OSBPL1A: variants seen among roughly 807,000 people sequenced by gnomAD.
OSBPL1A encodes oxysterol binding protein like 1A.
Under a neutral mutation model 137.1 loss-of-function variants are expected in OSBPL1A, and 80 were observed. The observed-to-expected ratio is 0.58, with a 90% CI of 0.49 to 0.70. The LOEUF is 0.70. Ranked by LOEUF, OSBPL1A falls within the 30% of genes least tolerant of loss-of-function variation. The probability of loss-of-function intolerance (pLI) is 0.00; values close to 1 mark genes in which losing one functional copy is unlikely to be tolerated. For synonymous variants in OSBPL1A, 365 were observed against 389.7 expected (o/e 0.94, Z 0.75); for missense variants, 970 against 1,129.4 (o/e 0.86, Z 2.02).
intron 4 of OSBPL1A, among the ~76,000 whole-genome samples, chr18:24,356,628 TA>T (rs1425614241): frequency 6.6e-6 from 1 of 152,276 alleles, no homozygotes; most frequent in East Asian, 1.9e-4. Context: ...TAGTTGTTGG[TA>T]CAACCCTCAC....
intron 17 of OSBPL1A, among the ~76,000 whole-genome samples, chr18:24,201,543 A>G (rs28615620): frequency 0.038 from 5,842 of 152,256 alleles, 532 homozygotes; most frequent in Admixed American, 0.2. Flanking sequence ...CAGACAGATC[A>G]CTTGAGGTCA....
At chr18:24,338,297 G>A (rs1599685235) in intron 5 of OSBPL1A, among the ~76,000 whole-genome samples, 2 of 151,572 alleles carry the variant, frequency 1.3e-5, no homozygotes, top group African/African-American at 4.8e-5. Context: ...AGCCAGGATG[G>A]TCTCGATCTC....
At chr18:24,306,219 G>A (rs1407967507) in intron 13 of OSBPL1A, among the ~76,000 whole-genome samples, 4 of 152,160 alleles carry the variant, frequency 2.6e-5, no homozygotes, top group Admixed American at 6.5e-5. Context: ...CCCCAGGTGA[G>A]CAGCTGAGCC....
At chr18:24,380,093 A>C (rs369912085) in intron 1 of OSBPL1A, among the ~76,000 whole-genome samples, 118 of 152,346 alleles carry the variant, frequency 7.7e-4, no homozygotes, top group African/African-American at 2.6e-3. Context: ...AAGACAACAA[A>C]GCAATACCTA....
At chr18:24,289,983 T>C (rs575256205) in intron 14 of OSBPL1A, among the ~76,000 whole-genome samples, 3 of 152,234 alleles carry the variant, frequency 2.0e-5, no homozygotes, top group African/African-American at 7.2e-5. Flanking sequence ...TTTCACACTA[T>C]TGTAAAGTTG....
At chr18:24,325,739 G>C (rs2090963444) in intron 7 of OSBPL1A, among the ~76,000 whole-genome samples, 1 of 152,192 alleles carries the variant, frequency 6.6e-6, no homozygotes, top group African/African-American at 2.4e-5. Flanking sequence ...ACCTAGGACG[G>C]TTCTTGGCAC....
At chr18:24,257,192 C>T (rs1390463587) in intron 15 of OSBPL1A, among the ~76,000 whole-genome samples, 1 of 152,036 alleles carries the variant, frequency 6.6e-6, no homozygotes, top group Non-Finnish European at 1.5e-5. Context: ...GCAAAAAGAA[C>T]TAAACTGGAG....
rs141147234 is a variant in OSBPL1A at position 24,227,140 on chromosome 18, A to G, written c.1445-1942T>C. Among the ~76,000 whole-genome samples the G allele has an allele frequency of 7.7e-3, 1,177 of 152,144 alleles. 13 individuals carry two copies. The highest frequency in any genetic ancestry group is 0.027 in the African/African-American group (1,141 of 41,516). ...ACTCCTAACCTCAGGTGATCTGCCC[A>G]CCTCAGCCTCCCAAAGTGCTGGGAT... On this transcript the variant is annotated intron_variant, in intron 16 of 27. Coordinates refer to ENST00000319481, the MANE Select transcript of OSBPL1A (RefSeq NM_080597.4).
chr18:24,233,690 C>A (rs896338168), intron 16 of OSBPL1A, among the ~76,000 whole-genome samples: 2 of 151,974 alleles, frequency 1.3e-5, no homozygotes, highest in Non-Finnish European at 2.9e-5. Flanking sequence ...GCTCTGTTGC[C>A]CAGGATGGAG....
chr18:24,164,148 C>G (rs2086085574), intron 27 of OSBPL1A, among the ~76,000 whole-genome samples: 1 of 152,118 alleles, frequency 6.6e-6, no homozygotes. Flanking sequence ...CATGATTTTT[C>G]TAATACACCA....
At chr18:24,201,460 G>A (rs1461695274) in intron 17 of OSBPL1A, among the ~76,000 whole-genome samples, 2 of 152,124 alleles carry the variant, frequency 1.3e-5, no homozygotes, top group Admixed American at 1.3e-4. Context: ...TATTTGGATG[G>A]CAGAAATTAC....
intron 7 of OSBPL1A, 117 bp from the exon 8 acceptor site, chr18:24,318,926 T>TC (rs2090791447): frequency 4.5e-6 from 4 of 889,228 alleles, no homozygotes; most frequent in Non-Finnish European, 7.0e-6. Context: ...TCTTTTTCTT[T>TC]CCCCAGAAAA....
At chr18:24,231,824 C>T (rs1490649133) in intron 16 of OSBPL1A, among the ~76,000 whole-genome samples, 2 of 152,188 alleles carry the variant, frequency 1.3e-5, no homozygotes, top group African/African-American at 4.8e-5. Context: ...TATTAAAAGG[C>T]TGAAAGAAGA....
intron 1 of OSBPL1A, among the ~76,000 whole-genome samples, chr18:24,379,089 G>T (rs1327394270): frequency 6.6e-6 from 1 of 151,158 alleles, no homozygotes; most frequent in Non-Finnish European, 1.5e-5. Context: ...AAAACAAGAT[G>T]CTATTAAAAA....
At chr18:24,203,227 G>A (rs911313077) in intron 17 of OSBPL1A, among the ~76,000 whole-genome samples, 10 of 152,014 alleles carry the variant, frequency 6.6e-5, no homozygotes, top group African/African-American at 2.2e-4. Flanking sequence ...TCCACCCTCC[G>A]TGGCCTCCCA....
intron 21 of OSBPL1A, among the ~76,000 whole-genome samples, chr18:24,175,477 T>C (rs1250068860): frequency 2.6e-5 from 4 of 152,166 alleles, no homozygotes; most frequent in Non-Finnish European, 5.9e-5. Context: ...CATGAGTCAC[T>C]GCGCCTGACC....
intron 18 of OSBPL1A, among the ~76,000 whole-genome samples, chr18:24,187,784 C>T (rs1274555236): frequency 6.6e-6 from 1 of 152,178 alleles, no homozygotes; most frequent in African/African-American, 2.4e-5. Flanking sequence ...AGCAGCATGG[C>T]ATAGGGACCT....
At chr18:24,234,982 T>C (rs143461456) in intron 16 of OSBPL1A, among the ~76,000 whole-genome samples, 1 of 152,196 alleles carries the variant, frequency 6.6e-6, no homozygotes, top group East Asian at 1.9e-4. Context: ...GAGGCACTGG[T>C]ATAGTAAGTG....
At chr18:24,276,831 T>G (rs963850038) in intron 15 of OSBPL1A, among the ~76,000 whole-genome samples, 4 of 152,188 alleles carry the variant, frequency 2.6e-5, no homozygotes, top group African/African-American at 9.7e-5. Flanking sequence ...ATTATGTAGA[T>G]CATATCAGTA....
Sources: allele counts gnomAD v4.1 joint callset (sites outside exome capture counted in the v4.1 genomes callset), GRCh38; gene constraint gnomAD v4.1.1; transcripts MANE v1.5; gene names NCBI Gene and HGNC (gene_info 2026-07-23, HGNC 2026-07-21).